Variants in SAMD12 observed in about 807,000 individuals in gnomAD.
SAMD12 encodes the protein sterile alpha motif domain containing 12, also known as sterile alpha motif domain-containing protein 12.
SAMD12 carries 9 observed loss-of-function variants against 15.0 expected under a neutral mutation model. The observed-to-expected ratio is 0.60, with a 90% confidence interval of 0.36 to 1.05. The LOEUF is 1.05. Among genes scored for constraint, SAMD12 ranks in the 50% least tolerant of loss-of-function variants. The pLI is 0.01. For missense variants in SAMD12, 230 were observed against 234.2 expected (o/e 0.98, Z 0.12); for synonymous variants, 86 against 90.1 (o/e 0.96, Z 0.25).
intron 2 of SAMD12, among the ~76,000 whole-genome samples, chr8:118,571,339 C>G (rs1005458853): frequency 5.9e-5 from 9 of 152,118 alleles, no homozygotes; most frequent in Non-Finnish European, 1.0e-4. Context: ...ATCAATAAGG[C>G]CATCAAAAAA....
downstream of SAMD12, among the ~76,000 whole-genome samples, chr8:118,373,109 C>T (rs571156972): frequency 6.6e-6 from 1 of 152,182 alleles, no homozygotes; most frequent in East Asian, 1.9e-4. Context: ...TTTGCCAATA[C>T]TTGCATAACT....
intron 2 of SAMD12, among the ~76,000 whole-genome samples, chr8:118,460,285 T>TGGAA (rs1298978085): frequency 2.0e-5 from 3 of 152,212 alleles, no homozygotes; most frequent in Non-Finnish European, 4.4e-5. Context: ...CACCATTAAA[T>TGGAA]GGAAGGAAGG....
chr8:118,609,492 A>G (rs2131313057), intron 1 of SAMD12, among the ~76,000 whole-genome samples: 1 of 152,344 alleles, frequency 6.6e-6, no homozygotes, highest in South Asian at 2.1e-4. Flanking sequence ...AATCCTGGCA[A>G]TCTGGGAGGG....
At chr8:118,235,162 A>G (rs1265265109) in intron 4 of SAMD12, among the ~76,000 whole-genome samples, 2 of 152,124 alleles carry the variant, frequency 1.3e-5, no homozygotes, top group Non-Finnish European at 2.9e-5. Context: ...TTCTCAGTCC[A>G]TTAACAAATA....
At chr8:118,553,573 A>C (rs2131189493) in intron 2 of SAMD12, among the ~76,000 whole-genome samples, 2 of 150,720 alleles carry the variant, frequency 1.3e-5, no homozygotes, top group East Asian at 3.9e-4. Flanking sequence ...TAAAACCATA[A>C]AAACCCTAGA....
chr8:118,492,266 T>C (rs1824463377), intron 2 of SAMD12, among the ~76,000 whole-genome samples: 1 of 152,114 alleles, frequency 6.6e-6, no homozygotes, highest in African/African-American at 2.4e-5. Flanking sequence ...ACTTTCGTTT[T>C]AGAAGTGTCC....
chr8:118,141,193 TG>T, the SAMD12 span, among the ~76,000 whole-genome samples: 2 of 152,252 alleles, frequency 1.3e-5, no homozygotes, highest in African/African-American at 4.8e-5. Context: ...AACACTTTTC[TG>T]GCTCAGCTTT....
chr8:118,158,631 T>A, the SAMD12 span, among the ~76,000 whole-genome samples: 2 of 152,208 alleles, frequency 1.3e-5, no homozygotes, highest in Non-Finnish European at 2.9e-5. Flanking sequence ...CCAGGGATAG[T>A]CTGAAGCCTG....
At chr8:118,283,774 A>T (rs895790404) in intron 4 of SAMD12, among the ~76,000 whole-genome samples, 3 of 152,176 alleles carry the variant, frequency 2.0e-5, no homozygotes, top group Non-Finnish European at 4.4e-5. Context: ...TTAAAGAGCA[A>T]ATGTATGCAT....
chr8:118,290,188 T>C (rs147244889), intron 4 of SAMD12, among the ~76,000 whole-genome samples: 1 of 152,192 alleles, frequency 6.6e-6, no homozygotes, highest in East Asian at 1.9e-4. Context: ...TAATGAAAAA[T>C]CCAGAGAGGA....
At chr8:118,562,174 TA>T (rs140878733) in intron 2 of SAMD12, among the ~76,000 whole-genome samples, 2,635 of 152,296 alleles carry the variant, frequency 0.017, 79 homozygotes, top group African/African-American at 0.06. Context: ...AGATGAGATA[TA>T]ACCTTTCCTC....
At chr8:118,455,546 T>C (rs2130924913) in intron 2 of SAMD12, among the ~76,000 whole-genome samples, 1 of 152,274 alleles carries the variant, frequency 6.6e-6, no homozygotes, top group East Asian at 1.9e-4. Flanking sequence ...TGGGGTAGTT[T>C]CAAGTCCCAC....
chr8:118,251,988 T>G (rs1231667960), intron 4 of SAMD12, among the ~76,000 whole-genome samples: 1 of 152,154 alleles, frequency 6.6e-6, no homozygotes, highest in Non-Finnish European at 1.5e-5. Flanking sequence ...TATAAATATC[T>G]ACATTTCCTT....
intron 1 of SAMD12, among the ~76,000 whole-genome samples, chr8:118,589,947 ATT>A (rs1563600402): frequency 6.6e-6 from 1 of 152,196 alleles, no homozygotes; most frequent in Non-Finnish European, 1.5e-5. Flanking sequence ...AATGATGGAC[ATT>A]ATATATGAGA....
At chr8:118,551,324 G>A (rs988643464) in intron 2 of SAMD12, among the ~76,000 whole-genome samples, 1 of 152,170 alleles carries the variant, frequency 6.6e-6, no homozygotes, top group East Asian at 1.9e-4. Flanking sequence ...ATAACAAACT[G>A]TCTCTCAGAC....
At chr8:118,222,251 G>T (rs907159027) in intron 4 of SAMD12, among the ~76,000 whole-genome samples, 4 of 151,978 alleles carry the variant, frequency 2.6e-5, no homozygotes, top group African/African-American at 9.7e-5. Flanking sequence ...ATAAAAATTT[G>T]GTGTTGGATA....
chr8:118,500,664 G>C (rs1387114476), intron 2 of SAMD12, among the ~76,000 whole-genome samples: 3 of 151,978 alleles, frequency 2.0e-5, no homozygotes, highest in Non-Finnish European at 4.4e-5. Context: ...AAATTAGCTG[G>C]GCGTGGTGGC....
chr8:118,325,201 C>A (rs997077337), intron 4 of SAMD12, among the ~76,000 whole-genome samples: 6 of 152,176 alleles, frequency 3.9e-5, no homozygotes, highest in African/African-American at 1.4e-4. Flanking sequence ...GCAATGGAAC[C>A]CTAATTTGAG....
At chr8:118,557,033 A>C (rs115385899) in intron 2 of SAMD12, among the ~76,000 whole-genome samples, 2,685 of 152,272 alleles carry the variant, frequency 0.018, 85 homozygotes, top group African/African-American at 0.062. Flanking sequence ...CATAAGGGCC[A>C]TAACAGAGGA....
Sources: allele counts gnomAD v4.1 joint callset (sites outside exome capture counted in the v4.1 genomes callset), GRCh38; gene constraint gnomAD v4.1.1; transcripts MANE v1.5; gene names NCBI Gene and HGNC (gene_info 2026-07-23, HGNC 2026-07-21).